Variants in IGF1 observed in about 807,000 individuals in gnomAD.
The protein encoded by IGF1 is insulin-like growth factor 1.
IGF1 carries 4 observed loss-of-function variants against 13.8 expected under a neutral mutation model. The ratio of observed to expected loss-of-function variants is 0.29; its 90% confidence interval spans 0.14 to 0.66. The LOEUF is 0.66. IGF1 is among the 30% of genes least tolerant of loss of function. The pLI is 0.78. For missense variants in IGF1, 124 were observed against 188.5 expected (o/e 0.66, Z 2.00); for synonymous variants, 76 against 72.6 (o/e 1.05, Z -0.23).
intron 2 of IGF1, among the ~76,000 whole-genome samples, chr12:102,475,103 A>G (rs892914800): frequency 3.9e-5 from 6 of 152,212 alleles, no homozygotes; most frequent in African/African-American, 1.4e-4. Flanking sequence ...GTGTATTTGC[A>G]AACAGGCCTG....
rs760438604 is a variant in IGF1, at chr12:102,475,762, T to C, written c.101A>G (p.Tyr34Cys). The C allele has an allele frequency of 1.9e-6, 3 of 1,614,078 alleles. No individual in the cohort carries two copies. The highest frequency in any genetic ancestry group is 2.5e-6 in the Non-Finnish European group (3 of 1,180,018). The stretch of plus-strand genomic sequence containing the variant: ...GAAGGTGAGCAGGCACAGCGCCAGG[T>C]AGAAGAGATGCGAGGAGGACATGGT... The part of the protein sequence containing the change: ...MHTMSSSHLF[Y>C]LALCLLTFTS... The change falls in exon 2 of 4, where the codon TAC becomes TGC. Residue 34 changes from tyrosine (Y) to cysteine (C), a missense_variant. Tyr to Cys is a radical substitution (Grantham distance 194). Coordinates refer to ENST00000337514, the MANE Select transcript of IGF1 (RefSeq NM_000618.5).
intron 2 of IGF1, among the ~76,000 whole-genome samples, chr12:102,475,114 C>G (rs1396757481): frequency 6.6e-6 from 1 of 152,136 alleles, no homozygotes; most frequent in Non-Finnish European, 1.5e-5. Context: ...AACAGGCCTG[C>G]CTTTAAGGGG....
At chr12:102,466,608 G>T (rs973124617) in intron 2 of IGF1, among the ~76,000 whole-genome samples, 1 of 152,130 alleles carries the variant, frequency 6.6e-6, no homozygotes, top group East Asian at 1.9e-4. Context: ...AATAAGGTAA[G>T]ATTTTAAAAC....
intron 2 of IGF1, among the ~76,000 whole-genome samples, chr12:102,474,641 G>A: frequency 6.6e-6 from 1 of 152,302 alleles, no homozygotes; most frequent in East Asian, 1.9e-4. Context: ...GGTAACTGAG[G>A]TAAGCTGTCT....
At chr12:102,434,274 T>C (rs1440201248) in intron 2 of IGF1, among the ~76,000 whole-genome samples, 1 of 145,270 alleles carries the variant, frequency 6.9e-6, no homozygotes, top group Non-Finnish European at 1.5e-5. Flanking sequence ...GCATTAGGTA[T>C]ATCTCCCAAT....
Position 102,402,292 on chromosome 12 carries a change from A to T in IGF1, c.*215T>A, listed in dbSNP as rs2136939517. Reference sequence around the variant, plus strand: ...ACATTATTGATAAAAGATCAACAGCAATCTACCAACTCCAGGACCATTTTT... The same window carrying T: ...ACATTATTGATAAAAGATCAACAGCTATCTACCAACTCCAGGACCATTTTT... On this transcript the variant is annotated 3_prime_UTR_variant, in exon 4 of 4. Coordinates refer to ENST00000337514, the MANE Select transcript of IGF1 (RefSeq NM_000618.5). 1.8e-6 allele frequency: 1 copy of T among 541,318 alleles called. No homozygotes were observed. The highest frequency in any genetic ancestry group is 3.2e-5 in the East Asian group (1 of 31,290). The allele number at this position is 541,318 out of a possible 1,614,324, so 33.5% of individuals were successfully genotyped here.
Position 102,397,066 on chromosome 12 carries a change from GTGGTGGGTGC to G in IGF1, c.*5431_*5440del. 2.8e-6 allele frequency: 1 copy of G among 362,096 alleles called. No individual in the cohort carries two copies. 22.4% of individuals were successfully genotyped at this position (362,096 alleles called of 1,614,324 possible). On this transcript the variant is annotated 3_prime_UTR_variant, in exon 4 of 4. Coordinates refer to ENST00000337514, the MANE Select transcript of IGF1 (RefSeq NM_000618.5). Reference sequence around the variant, plus strand: ...AAATCCAAAAAATTAGCCGGGCATAGTGGTGGGTGCCTGTAATCCCAGCTACTCAGGAGGC... The same window carrying G: ...AAATCCAAAAAATTAGCCGGGCATAGCTGTAATCCCAGCTACTCAGGAGGC...
rs140520539 is a variant in IGF1 at position 102,472,814 on chromosome 12, AT to A, written c.220+2828del. The stretch of plus-strand genomic sequence containing the variant: ...TAATTGGCTCAGACACAAAACAGAC[AT>A]CAATGTAGCCTGGGGATGACCAAAA... On this transcript the variant is annotated intron_variant, in intron 2 of 3. Coordinates refer to ENST00000337514, the MANE Select transcript of IGF1 (RefSeq NM_000618.5). 1.4e-3 allele frequency among the ~76,000 whole-genome samples: 211 copies of A among 152,332 alleles called. 1 individual carries two copies. Among genetic ancestry groups the A allele is most frequent in the African/African-American group, 4.9e-3 (202 of 41,586 alleles).
chr12:102,448,154 A>G (rs566150195), intron 2 of IGF1, among the ~76,000 whole-genome samples: 2 of 150,896 alleles, frequency 1.3e-5, no homozygotes, highest in African/African-American at 4.9e-5. Context: ...ATCTAGAACT[A>G]GAAATACCAT....
Position 102,434,594 on chromosome 12 carries a change from A to G in IGF1, c.221-14904T>C, listed in dbSNP as rs1158228701. On this transcript the variant is annotated intron_variant, in intron 2 of 3. Transcript: ENST00000337514. ...TTCCAAGTCTTTGCTATTGTGAATA[A>G]TGCCGCAATAAACATACGTGTGCAT... 6.0e-5 allele frequency among the ~76,000 whole-genome samples: 9 copies of G among 150,840 alleles called. No individual in the cohort carries two copies. The South Asian group carries it at 1.1e-3, about 18-fold the overall frequency.
In IGF1 at chr12:102,415,256, TCATCCATCCATC is replaced by T. The variant is rs66536957; in HGVS notation, c.402+4241_402+4252del. 2.0e-3 allele frequency among the ~76,000 whole-genome samples: 295 copies of T among 148,534 alleles called. 3 individuals carry two copies. The highest frequency in any genetic ancestry group is 3.6e-3 in the African/African-American group (143 of 40,172). The stretch of plus-strand genomic sequence containing the variant: ...CTCATTTGTCCATCCAACCATCCAT[TCATCCATCCATC>T]CATCCATCCATCCATCCATCCATCC... On this transcript the variant is annotated intron_variant, in intron 3 of 3. Coordinates refer to ENST00000337514, the MANE Select transcript of IGF1 (RefSeq NM_000618.5).
At chr12:102,451,549 G>T (rs1474747721) in intron 2 of IGF1, among the ~76,000 whole-genome samples, 1 of 152,212 alleles carries the variant, frequency 6.6e-6, no homozygotes, top group Non-Finnish European at 1.5e-5. Context: ...AGAAGAGAAA[G>T]TGAAAAGAAG....
intron 2 of IGF1, among the ~76,000 whole-genome samples, chr12:102,435,975 C>T (rs538092472): frequency 2.6e-4 from 39 of 152,312 alleles, no homozygotes; most frequent in African/African-American, 7.7e-4. Context: ...CGTCCTGTGG[C>T]ACTGGAGAGA....
chr12:102,428,534 G>A (rs931350047), intron 2 of IGF1, among the ~76,000 whole-genome samples: 5 of 151,998 alleles, frequency 3.3e-5, no homozygotes, highest in East Asian at 1.9e-4. Context: ...TGAAGCAGGT[G>A]ATAGAATCAA....
Position 102,475,744 on chromosome 12 carries a change from A to T in IGF1, c.119T>A (p.Leu40His). The change falls in exon 2 of 4, where the codon CTC becomes CAC. Residue 40 changes from leucine to histidine, a missense_variant. Leu to His is a moderately conservative substitution (Grantham distance 99, BLOSUM62 -3). Around this residue, in one of 2 missense-constraint regions of IGF1, gnomAD observed 99 missense variants for 171.4 expected, o/e 0.58. Transcript: ENST00000337514. ...AGCCGTGGCAGAGCTGGTGAAGGTGAGCAGGCACAGCGCCAGGTAGAAGAG... is the reference window on the plus strand; with the variant it reads ...AGCCGTGGCAGAGCTGGTGAAGGTGTGCAGGCACAGCGCCAGGTAGAAGAG... The part of the protein sequence containing the change: ...SHLFYLALCL[L>H]TFTSSATAGP... 6.2e-7 allele frequency: 1 copy of T among 1,614,200 alleles called. No homozygotes were observed. Among genetic ancestry groups the T allele is most frequent in the Non-Finnish European group, 8.5e-7 (1 of 1,180,038 alleles).
chr12:102,435,014 A>G (rs938071130), intron 2 of IGF1, among the ~76,000 whole-genome samples: 3 of 152,236 alleles, frequency 2.0e-5, no homozygotes, highest in Non-Finnish European at 4.4e-5. Context: ...AAAAATAACA[A>G]TATAACAATT....
chr12:102,398,487 ATCTTTTT>A lies in IGF1; in HGVS notation c.*4013_*4019del, dbSNP rs1379567642. On this transcript the variant is annotated 3_prime_UTR_variant, in exon 4 of 4. Transcript: ENST00000337514. ...TTAAATTCTTCTATTTGCCTATAAGATCTTTTTTCCCGCGTTTATTCTCCATGCTCTT... is the reference window on the plus strand; with the variant it reads ...TTAAATTCTTCTATTTGCCTATAAGATCCCGCGTTTATTCTCCATGCTCTT... The A allele has an allele frequency of 1.3e-5, 2 of 152,212 alleles. No individual in the cohort carries two copies. The highest frequency in any genetic ancestry group is 4.1e-4 in the South Asian group (2 of 4,836). 9.4% of individuals were successfully genotyped at this position (152,212 alleles called of 1,614,324 possible). A position where few individuals can be genotyped will look rare whatever the true frequency, so the allele number is the denominator to read the frequency against.
In IGF1 at chr12:102,480,394, A is replaced by T; in HGVS notation, c.-13T>A. 1 of 1,613,470 alleles carries T rather than the reference A, an allele frequency of 6.2e-7. No homozygotes were observed. Among genetic ancestry groups the T allele is most frequent in the Non-Finnish European group, 8.5e-7 (1 of 1,179,596 alleles). ...TGATTTTTCCCATTGCTTCTGAAGTACAAAGTCTGAAAATGAATTGGTTAG... is the reference window on the plus strand; with the variant it reads ...TGATTTTTCCCATTGCTTCTGAAGTTCAAAGTCTGAAAATGAATTGGTTAG... On this transcript the variant is annotated 5_prime_UTR_variant, in exon 1 of 4. Coordinates refer to ENST00000337514, the MANE Select transcript of IGF1 (RefSeq NM_000618.5).
Position 102,397,431 on chromosome 12 carries a change from T to C in IGF1, c.*5076A>G, listed in dbSNP as rs908188642. On this transcript the variant is annotated 3_prime_UTR_variant, in exon 4 of 4. Coordinates refer to ENST00000337514, the MANE Select transcript of IGF1 (RefSeq NM_000618.5). ...TAAAAAACAAAAGCATTGTTCCAGA[T>C]AGGAATTGGTTATTTAAATTGATAT... 6.6e-6 allele frequency: 1 copy of C among 152,194 alleles called. No homozygotes were observed. Among genetic ancestry groups the C allele is most frequent in the East Asian group, 1.9e-4 (1 of 5,198 alleles). The allele number at this position is 152,194 out of a possible 1,614,324, so 9.4% of individuals were successfully genotyped here.
Sources: allele counts gnomAD v4.1 joint callset (sites outside exome capture counted in the v4.1 genomes callset), GRCh38; gene constraint gnomAD v4.1.1; regional missense constraint gnomAD v4.1.1; transcripts MANE v1.5; gene names NCBI Gene and HGNC (gene_info 2026-07-23, HGNC 2026-07-21).